EXOSC7: variants seen among roughly 807,000 people sequenced by gnomAD.
EXOSC7 encodes exosome component 7.
EXOSC7 carries 25 observed loss-of-function variants against 34.3 expected under a neutral mutation model. The observed-to-expected ratio is 0.73, with a 90% confidence interval of 0.53 to 1.02. The LOEUF is 1.02. EXOSC7 is among the 50% of genes least tolerant of loss of function. The pLI is 0.00. For missense variants in EXOSC7, 370 were observed against 368.5 expected (o/e 1.00, Z -0.03); for synonymous variants, 130 against 143.0 (o/e 0.91, Z 0.65).
intron 1 of EXOSC7, among the ~76,000 whole-genome samples, chr3:44,980,777 A>G (rs1443396914): frequency 1.3e-5 from 2 of 152,212 alleles, no homozygotes; most frequent in Admixed American, 6.5e-5. Flanking sequence ...AGTATATGGC[A>G]TATACTGCTG....
rs146928995 is a variant in EXOSC7 at position 44,976,318 on chromosome 3, T to A, written c.41T>A (p.Ile14Asn). ...CTGAGCGAGGCGGAGAAGGTGTACA[T>A]CGTGCATGGCGTCCAGGTAGCTACA... Reference protein sequence around the residue: ...VTLSEAEKVYIVHGVQEDLRV... With the variant: ...VTLSEAEKVYNVHGVQEDLRV... Residue 14 changes from isoleucine to asparagine, a missense_variant, in exon 1 of 8, where the codon ATC becomes AAC. This residue lies in a region of EXOSC7 where 95 missense variants were observed against 79.8 expected (regional missense o/e 1.19). Transcript: ENST00000265564. 1 of 1,570,086 alleles carries A rather than the reference T, an allele frequency of 6.4e-7. No individual in the cohort carries two copies. The highest frequency in any genetic ancestry group is 8.6e-7 in the Non-Finnish European group (1 of 1,164,138).
In EXOSC7 at chr3:45,005,304, C is replaced by T. The variant is rs1471027850; in HGVS notation, c.505C>T (p.Arg169Ter). Residue 169 changes from arginine to a stop codon, truncating the protein, a stop_gained, in exon 6 of 8, where the codon CGA becomes TGA. Coordinates refer to ENST00000265564, the MANE Select transcript of EXOSC7 (RefSeq NM_015004.4). LOFTEE classifies it high-confidence loss of function. Reference sequence around the variant, plus strand: ...TTCTGCTTCCAGGATACCAAGGGTTCGAGTTTTGGAGGATGAAGAGGGGTC... The same window carrying T: ...TTCTGCTTCCAGGATACCAAGGGTTTGAGTTTTGGAGGATGAAGAGGGGTC... Reference protein sequence around the residue: ...ALFNTRIPRVRVLEDEEGSKD... With the variant: ...ALFNTRIPRV The T allele has an allele frequency of 9.3e-6, 15 of 1,613,936 alleles. No homozygotes were observed. The highest frequency in any genetic ancestry group is 4.5e-5 in the East Asian group (2 of 44,898).
In EXOSC7 at chr3:44,994,856, G is replaced by GGTGTGTGT. The variant is rs34579096; in HGVS notation, c.255-2188_255-2181dup. Reference sequence around the variant, plus strand: ...GACTGCTGGCTATGGTGGAAGAATGGGTGTGTGTGTGTGTGTGTGTGTGTG... The same window carrying GGTGTGTGT: ...GACTGCTGGCTATGGTGGAAGAATGGGTGTGTGTGTGTGTGTGTGTGTGTGTGTGTGTG... On this transcript the variant is annotated intron_variant, in intron 3 of 7. Coordinates refer to ENST00000265564, the MANE Select transcript of EXOSC7 (RefSeq NM_015004.4). Among the ~76,000 whole-genome samples the GGTGTGTGT allele has an allele frequency of 6.5e-3, 880 of 134,926 alleles. 3 individuals carry two copies. Among genetic ancestry groups the GGTGTGTGT allele is most frequent in the Non-Finnish European group, 7.4e-3 (466 of 63,260 alleles). 88.5% of individuals were successfully genotyped at this position (134,926 alleles called of 152,430 possible). A position where few individuals can be genotyped will look rare whatever the true frequency, so the allele number is the denominator to read the frequency against.
Position 45,001,564 on chromosome 3 carries a change from T to G in EXOSC7, c.447T>G (p.Phe149Leu). The G allele has an allele frequency of 1.2e-6, 2 of 1,613,910 alleles. No individual in the cohort carries two copies. Among genetic ancestry groups the G allele is most frequent in the Non-Finnish European group, 1.7e-6 (2 of 1,179,744 alleles). Residue 149 changes from phenylalanine (F) to leucine (L), a missense_variant, in exon 5 of 8, where the codon TTT becomes TTG. Phe to Leu is a conservative substitution (Grantham distance 22). This residue lies in a region of EXOSC7 where 255 missense variants were observed against 246.4 expected (regional missense o/e 1.03). Coordinates refer to ENST00000265564, the MANE Select transcript of EXOSC7 (RefSeq NM_015004.4). Reference sequence around the variant, plus strand: ...TTCTGGAATGTGGTGGAAATTTGTTTGATGCCATTTCCATTGCTGTAAAGG... The same window carrying G: ...TTCTGGAATGTGGTGGAAATTTGTTGGATGCCATTTCCATTGCTGTAAAGG... ...VLLLECGGNL[F>L]DAISIAVKAA...
At position 44,989,374 on chromosome 3, in the gene EXOSC7, G is replaced by GA. The variant is rs997050830; in HGVS notation, c.159+134dup. 1.8e-5 allele frequency: 15 copies of GA among 848,520 alleles called. No individual in the cohort carries two copies. In the African/African-American group the frequency reaches 2.4e-4, roughly 13 times the overall value. The allele number at this position is 848,520 out of a possible 1,614,324, so 52.6% of individuals were successfully genotyped here. Reference sequence around the variant, plus strand: ...ATCGAAGATCCGAGCCAAACTCAGGGAGGGGGGGTCTATCCAGATCTGAAA... The same window carrying GA: ...ATCGAAGATCCGAGCCAAACTCAGGGAAGGGGGGGTCTATCCAGATCTGAAA... On this transcript the variant is annotated intron_variant, in intron 2 of 7. Coordinates refer to ENST00000265564, the MANE Select transcript of EXOSC7 (RefSeq NM_015004.4).
intron 4 of EXOSC7, 50 bp from the exon 5 acceptor site, chr3:45,001,488 A>T: frequency 2.9e-6 from 4 of 1,387,202 alleles, no homozygotes; most frequent in Non-Finnish European, 4.1e-6. Context: ...TACCTAAAGT[A>T]ATAAGTGATG....
intron 3 of EXOSC7, among the ~76,000 whole-genome samples, chr3:44,995,196 T>G (rs1343692136): frequency 6.6e-6 from 1 of 152,170 alleles, no homozygotes; most frequent in Non-Finnish European, 1.5e-5. Flanking sequence ...TTGGTCAGGC[T>G]GGTCTCGAAC....
Position 44,989,182 on chromosome 3 carries a change from T to C in EXOSC7, c.100T>C (p.Cys34Arg), listed in dbSNP as rs148131071. Residue 34 changes from cysteine (C) to arginine (R), a missense_variant, in exon 2 of 8, where the codon TGT becomes CGT. Cys to Arg is a radical substitution (Grantham distance 180). Coordinates refer to ENST00000265564, the MANE Select transcript of EXOSC7 (RefSeq NM_015004.4). ...VDGRGCEDYR[C>R]VEVETDVVSN... Reference sequence around the variant, plus strand: ...TGGCCGTGGCTGTGAGGACTACCGATGTGTCGAAGTGGAAACTGATGTGGT... The same window carrying C: ...TGGCCGTGGCTGTGAGGACTACCGACGTGTCGAAGTGGAAACTGATGTGGT... 4 of 1,614,172 alleles carry C rather than the reference T, an allele frequency of 2.5e-6. No individual in the cohort carries two copies. The highest frequency in any genetic ancestry group is 2.7e-5 in the African/African-American group (2 of 75,044).
At chr3:45,000,540 T>C (rs1374358219) in intron 4 of EXOSC7, among the ~76,000 whole-genome samples, 1 of 152,254 alleles carries the variant, frequency 6.6e-6, no homozygotes, top group Non-Finnish European at 1.5e-5. Flanking sequence ...AAATGTGCTC[T>C]AATTTTCCCT....
chr3:44,983,628 C>A (rs1201838919), intron 1 of EXOSC7, among the ~76,000 whole-genome samples: 2 of 152,164 alleles, frequency 1.3e-5, no homozygotes, highest in Non-Finnish European at 2.9e-5. Flanking sequence ...GATCTAGAGG[C>A]ACATCAGTCT....
At position 44,997,122 on chromosome 3, in the gene EXOSC7, G is replaced by A; in HGVS notation, c.290G>A (p.Gly97Glu). 1 of 1,612,540 alleles carries A rather than the reference G, an allele frequency of 6.2e-7. No individual in the cohort carries two copies. The highest frequency in any genetic ancestry group is 8.5e-7 in the Non-Finnish European group (1 of 1,179,432). The change falls in exon 4 of 8, where the codon GGA becomes GAA. Residue 97 changes from glycine to glutamate, a missense_variant. This residue lies in a region of EXOSC7 where 255 missense variants were observed against 246.4 expected (regional missense o/e 1.03). Coordinates refer to ENST00000265564, the MANE Select transcript of EXOSC7 (RefSeq NM_015004.4). Reference protein sequence around the residue: ...ASATPEFEGRGGDDLGTEIAN... With the variant: ...ASATPEFEGREGDDLGTEIAN... Reference sequence around the variant, plus strand: ...GCTACCCCTGAATTTGAAGGTAGAGGAGGTGATGACCTTGGCACCGAGATC... The same window carrying A: ...GCTACCCCTGAATTTGAAGGTAGAGAAGGTGATGACCTTGGCACCGAGATC...
intron 3 of EXOSC7, among the ~76,000 whole-genome samples, chr3:44,993,006 C>A (rs373161864): frequency 6.6e-6 from 1 of 152,186 alleles, no homozygotes. Flanking sequence ...AATCTTCAAG[C>A]CTGCATTGGT....
chr3:45,011,514 C>T (rs1476514563), downstream of EXOSC7: 5 of 501,780 alleles, frequency 1.0e-5, no homozygotes, highest in Non-Finnish European at 1.8e-5. Context: ...GCCAAGGCAC[C>T]ATTCAGTGAC....
chr3:45,011,169 C>A, intron 7 of EXOSC7, 66 bp from the exon 8 acceptor site: 2 of 875,414 alleles, frequency 2.3e-6, no homozygotes, highest in South Asian at 2.0e-5. Flanking sequence ...GAAAGGAATG[C>A]TTTTCTGGTC....
chr3:44,987,224 G>A (rs1427998231), intron 1 of EXOSC7, among the ~76,000 whole-genome samples: 2 of 152,048 alleles, frequency 1.3e-5, no homozygotes, highest in African/African-American at 4.8e-5. Flanking sequence ...TGAAACTGAA[G>A]AGAAACCTAG....
rs140477287 is a variant in EXOSC7, at chr3:45,007,393, C to G, written c.616-27C>G. On this transcript the variant is annotated intron_variant, in intron 6 of 7. Coordinates refer to ENST00000265564, the MANE Select transcript of EXOSC7 (RefSeq NM_015004.4). Reference sequence around the variant, plus strand: ...GGACTCTGGGGCCTGCGTGACCCACCGTGTGCCACGCACCCTGCCTTTGCA... The same window carrying G: ...GGACTCTGGGGCCTGCGTGACCCACGGTGTGCCACGCACCCTGCCTTTGCA... 6.2e-6 allele frequency: 10 copies of G among 1,612,610 alleles called. No homozygotes were observed. In the Admixed American group the frequency reaches 1.2e-4, roughly 19 times the overall value.
At chr3:44,976,666 A>G (rs1431516295) in intron 1 of EXOSC7, among the ~76,000 whole-genome samples, 1 of 152,142 alleles carries the variant, frequency 6.6e-6, no homozygotes, top group Non-Finnish European at 1.5e-5. Context: ...TCCGAGCCTC[A>G]GTTTTCTCTT....
At position 45,005,392 on chromosome 3, in the gene EXOSC7, C is replaced by G; in HGVS notation, c.593C>G (p.Pro198Arg). Reference protein sequence around the residue: ...DCIRLSVENVPCIVTLCKIGY... With the variant: ...DCIRLSVENVRCIVTLCKIGY... ...ATACGACTAAGTGTGGAGAATGTCC[C>G]CTGCATTGTCACTCTGTGCAAGGTA... is the stretch of plus-strand genomic sequence containing the variant. The change falls in exon 6 of 8, where the codon CCC becomes CGC. Residue 198 changes from proline (P) to arginine (R), a missense_variant. By Grantham distance (103) the Pro-to-Arg change is moderately radical (BLOSUM62 -2). This residue lies in a region of EXOSC7 where 255 missense variants were observed against 246.4 expected (regional missense o/e 1.03). Transcript: ENST00000265564. 2 of 1,614,074 alleles carry G rather than the reference C, an allele frequency of 1.2e-6. No individual in the cohort carries two copies. The highest frequency in any genetic ancestry group is 1.7e-6 in the Non-Finnish European group (2 of 1,179,982).
chr3:45,002,550 C>T (rs1012805518), intron 5 of EXOSC7, among the ~76,000 whole-genome samples: 1 of 152,168 alleles, frequency 6.6e-6, no homozygotes, highest in Non-Finnish European at 1.5e-5. Context: ...GCAGTCCCCT[C>T]ATCCTGGTTT....
Sources: gnomAD v4.1 joint callset for allele counts (sites outside exome capture counted in the v4.1 genomes callset) on GRCh38, gnomAD v4.1.1 for gene constraint, gnomAD v4.1.1 regional missense constraint, MANE v1.5 for transcripts, NCBI Gene and HGNC (gene_info 2026-07-23, HGNC 2026-07-21) for gene names.